The following MSANTD2 variants were observed in gnomAD, a reference collection of about 807,000 sequenced individuals.
MSANTD2 encodes myb/SANT-like DNA-binding domain-containing protein 2.
A neutral mutation model predicts 52.6 loss-of-function variants in MSANTD2; 19 were observed. The observed-to-expected ratio is 0.36, with a 90% confidence interval of 0.25 to 0.53. MSANTD2 has a LOEUF of 0.53. Ranked by LOEUF, MSANTD2 falls within the 20% of genes least tolerant of loss-of-function variation. MSANTD2 has a pLI of 0.91. For missense variants in MSANTD2, 558 were observed against 716.3 expected, an observed-to-expected ratio of 0.78 and a Z score of 2.52; for synonymous variants, 291 against 289.7, an observed-to-expected ratio of 1.00 and a Z score of -0.04.
rs10601418 is a variant in MSANTD2, at chr11:124,798,234, T to TAAAAAAA, written c.510+1630_510+1636dup. On this transcript the variant is annotated intron_variant, in intron 1 of 3. Coordinates refer to ENST00000374979, the MANE Select transcript of MSANTD2 (RefSeq NM_001308027.2). ...GAGCAACGTAGAAGACCCTGTCTCT[T>TAAAAAAA]AAAAAAAAAAAAAAAAAAAAAAAAA... is the stretch of plus-strand genomic sequence containing the variant. 5.2e-3 allele frequency among the ~76,000 whole-genome samples: 571 copies of TAAAAAAA among 110,426 alleles called. 15 individuals carry two copies. The highest frequency in any genetic ancestry group is 0.019 in the African/African-American group (464 of 24,808). 72.4% of individuals were successfully genotyped at this position (110,426 alleles called of 152,430 possible).
intron 1 of MSANTD2, among the ~76,000 whole-genome samples, chr11:124,796,886 C>G (rs1321062889): frequency 2.0e-5 from 3 of 152,136 alleles, no homozygotes; most frequent in Admixed American, 6.5e-5. Context: ...ATTTCTGAAA[C>G]TGGGATCTAA....
intron 3 of MSANTD2, among the ~76,000 whole-genome samples, chr11:124,768,947 T>C (rs528711664): frequency 3.3e-5 from 5 of 152,370 alleles, no homozygotes; most frequent in African/African-American, 1.2e-4. Context: ...AGCAAAACTT[T>C]GATACTGGAA....
chr11:124,793,126 ATTGT>A (rs1945383634), intron 1 of MSANTD2, among the ~76,000 whole-genome samples: 1 of 152,322 alleles, frequency 6.6e-6, no homozygotes, highest in Admixed American at 6.5e-5. Context: ...TCTTATTTAT[ATTGT>A]TTAAGTTATC....
intron 1 of MSANTD2, chr11:124,775,912 TG>T (rs1944725319): frequency 6.6e-6 from 1 of 152,266 alleles, no homozygotes; most frequent in African/African-American, 2.4e-5. Context: ...CCCAGTTTCC[TG>T]AATTTAATGG....
In MSANTD2 at chr11:124,800,371, G is replaced by T. The variant is rs1299525425; in HGVS notation, c.10C>A (p.Pro4Thr). ...TTGGCGGGCAGCTCCGAGCCACAGG[G>T]CGCAGCCATCTTCCAAGCGGCCGCC... MAA[P>T]CGSELPANSP... is the part of the protein sequence containing the mutation. Residue 4 changes from proline to threonine, a missense_variant, in exon 1 of 4, where the codon CCC (proline) becomes ACC (threonine). Pro to Thr is a conservative substitution (Grantham distance 38, BLOSUM62 -1). Transcript: ENST00000374979. The surrounding 1 kb of genome is among the most constrained non-coding windows in gnomAD (Gnocchi z 4.3). The T allele has an allele frequency of 6.6e-7, 1 of 1,523,620 alleles. No individual in the cohort carries two copies. The highest frequency in any genetic ancestry group is 8.8e-7 in the Non-Finnish European group (1 of 1,135,706). 94.4% of individuals were successfully genotyped at this position (1,523,620 alleles called of 1,614,324 possible). A position where few individuals can be genotyped will look rare whatever the true frequency, so the allele number is the denominator to read the frequency against.
Position 124,767,888 on chromosome 11 carries a change from C to T in MSANTD2, c.968G>A (p.Arg323His), listed in dbSNP as rs763691374. Reference protein sequence around the residue: ...LAIFGIGYNTRWKEDIRYHYA... With the variant: ...LAIFGIGYNTHWKEDIRYHYA... ...ATGGTAACGGATATCCTCTTTCCAACGGGTGTTATAACCAATTCCAAAAAT... is the reference window on the plus strand; with the variant it reads ...ATGGTAACGGATATCCTCTTTCCAATGGGTGTTATAACCAATTCCAAAAAT... The change falls in exon 4 of 4, where the codon CGT becomes CAT. Residue 323 changes from arginine to histidine, a missense_variant. By Grantham distance (29) the Arg-to-His change is conservative. This residue lies in a region of MSANTD2 where 408 missense variants were observed against 573.6 expected (regional missense o/e 0.71). Coordinates refer to ENST00000374979, the MANE Select transcript of MSANTD2 (RefSeq NM_001308027.2). This position sits in a 1 kb window ranked among gnomAD's most constrained non-coding sequence, Gnocchi z 6.5. 15 of 1,614,074 alleles carry T rather than the reference C, an allele frequency of 9.3e-6. No individual in the cohort carries two copies. The highest frequency in any genetic ancestry group is 3.3e-5 in the South Asian group (3 of 91,088).
At chr11:124,775,127 G>A in intron 1 of MSANTD2, 153 bp from the exon 2 acceptor site, 6 of 639,414 alleles carry the variant, frequency 9.4e-6, no homozygotes, top group African/African-American at 1.8e-5. Context: ...TATTATATTA[G>A]AAAAAAATAC....
At chr11:124,771,978 T>C (rs1011984171) in intron 3 of MSANTD2, among the ~76,000 whole-genome samples, 5 of 152,200 alleles carry the variant, frequency 3.3e-5, no homozygotes, top group South Asian at 2.1e-4. Flanking sequence ...TCCTCAGTAA[T>C]TGTATTTAAT....
intron 3 of MSANTD2, among the ~76,000 whole-genome samples, chr11:124,769,766 C>T (rs183340429): frequency 3.9e-5 from 6 of 152,302 alleles, no homozygotes; most frequent in South Asian, 2.1e-4. Context: ...GCCCAAATCA[C>T]GTTATTTTTT....
chr11:124,791,916 T>C, intron 1 of MSANTD2: 1 of 344,762 alleles, frequency 2.9e-6, no homozygotes, highest in South Asian at 2.5e-5. Flanking sequence ...GTATATTACA[T>C]GTAGTTCAGT....
chr11:124,785,414 G>C (rs533915653), intron 1 of MSANTD2, among the ~76,000 whole-genome samples: 1 of 152,254 alleles, frequency 6.6e-6, no homozygotes, highest in Non-Finnish European at 1.5e-5. Flanking sequence ...ACATGTGAGA[G>C]ACTGAGAAGC....
At chr11:124,794,436 C>T (rs1945428456) in intron 1 of MSANTD2, among the ~76,000 whole-genome samples, 1 of 152,164 alleles carries the variant, frequency 6.6e-6, no homozygotes, top group Admixed American at 6.5e-5. Context: ...GATAAGCAAA[C>T]TGGAAGGCAC....
At position 124,772,975 on chromosome 11, in the gene MSANTD2, A is replaced by G; in HGVS notation, c.827+19T>C. The G allele has an allele frequency of 2.7e-6, 4 of 1,481,820 alleles. No homozygotes were observed. Among genetic ancestry groups the G allele is most frequent in the Non-Finnish European group, 3.8e-6 (4 of 1,060,670 alleles). 91.8% of individuals were successfully genotyped at this position (1,481,820 alleles called of 1,614,324 possible). A position where few individuals can be genotyped will look rare whatever the true frequency, so the allele number is the denominator to read the frequency against. ...ACTTAGGCAGACACACTTTCTGGAA[A>G]GGTGAAGCATCTACTTACTGTGCTT... On this transcript the variant is annotated intron_variant, in intron 3 of 3. Coordinates refer to ENST00000374979, the MANE Select transcript of MSANTD2 (RefSeq NM_001308027.2).
rs1355467037 is a variant in MSANTD2, at chr11:124,767,670, G to A, written c.1186C>T (p.Pro396Ser). Reference protein sequence around the residue: ...LELHMEIDWIPIAHSKPTGGN... With the variant: ...LELHMEIDWISIAHSKPTGGN... ...CCAGTTGGTTTGGAGTGGGCAATGG[G>A]TATCCAGTCAATTTCCATGTGCAGC... Residue 396 changes from proline to serine, a missense_variant, in exon 4 of 4, where the codon CCC becomes TCC. By Grantham distance (74) the Pro-to-Ser change is moderately conservative (BLOSUM62 -1). Transcript: ENST00000374979. The surrounding 1 kb of genome is among the most constrained non-coding windows in gnomAD (Gnocchi z 6.5). The A allele has an allele frequency of 3.1e-6, 5 of 1,614,212 alleles. No homozygotes were observed. Among genetic ancestry groups the A allele is most frequent in the Non-Finnish European group, 4.2e-6 (5 of 1,180,038 alleles).
intron 1 of MSANTD2, among the ~76,000 whole-genome samples, chr11:124,799,430 C>T (rs1409483920): frequency 2.6e-5 from 4 of 152,216 alleles, no homozygotes; most frequent in Non-Finnish European, 4.4e-5. Flanking sequence ...ATTAACTATT[C>T]CTAAACTAGG....
intron 1 of MSANTD2, among the ~76,000 whole-genome samples, chr11:124,797,207 G>A (rs951118520): frequency 5.3e-5 from 8 of 152,132 alleles, no homozygotes; most frequent in Admixed American, 1.3e-4. Context: ...AAATAAGGCC[G>A]GATGTGGTGG....
chr11:124,798,139 AC>A (rs1240636366), intron 1 of MSANTD2, among the ~76,000 whole-genome samples: 1 of 151,144 alleles, frequency 6.6e-6, no homozygotes, highest in South Asian at 2.1e-4. Flanking sequence ...ACGGTGGCTC[AC>A]GCCTGTAATC....
Position 124,767,051 on chromosome 11 carries a change from C to A in MSANTD2, c.*125G>T. On this transcript the variant is annotated 3_prime_UTR_variant, in exon 4 of 4. Transcript: ENST00000374979. This position sits in a 1 kb window ranked among gnomAD's most constrained non-coding sequence, Gnocchi z 6.5. ...TATGATTCCTTAGAAGTCGTACTGG[C>A]CCAATTGAAGAAAGGGTTTCCATGA... is the stretch of plus-strand genomic sequence containing the variant. 5 of 972,544 alleles carry A rather than the reference C, an allele frequency of 5.1e-6. No homozygotes were observed. The South Asian group carries it at 6.7e-5, about 13-fold the overall frequency. 60.2% of individuals were successfully genotyped at this position (972,544 alleles called of 1,614,324 possible). A position where few individuals can be genotyped will look rare whatever the true frequency, so the allele number is the denominator to read the frequency against.
In MSANTD2 at chr11:124,773,062, G is replaced by A. The variant is rs1459403532; in HGVS notation, c.767-8C>T. 2 of 1,568,240 alleles carry A rather than the reference G, an allele frequency of 1.3e-6. No homozygotes were observed. The highest frequency in any genetic ancestry group is 1.8e-6 in the Non-Finnish European group (2 of 1,139,564). Reference sequence around the variant, plus strand: ...TTGTGACAGGTATTTCATCTGAAAAGCAAAGATTTTGAAAAAAGTTATACT... The same window carrying A: ...TTGTGACAGGTATTTCATCTGAAAAACAAAGATTTTGAAAAAAGTTATACT... On this transcript the variant is annotated splice_polypyrimidine_tract_variant and splice_region_variant and intron_variant, in intron 2 of 3. Transcript: ENST00000374979.
Sources: gnomAD v4.1 joint callset for allele counts (sites outside exome capture counted in the v4.1 genomes callset) on GRCh38, gnomAD v4.1.1 for gene constraint, gnomAD v4.1.1 regional missense constraint, Gnocchi (gnomAD v3.1) non-coding constraint, MANE v1.5 for transcripts, NCBI Gene and HGNC (gene_info 2026-07-23, HGNC 2026-07-21) for gene names.